Variants in PEBP4 observed in about 807,000 individuals in gnomAD.
PEBP4 encodes the protein phosphatidylethanolamine binding protein 4.
Under a neutral mutation model 23.9 loss-of-function variants are expected in PEBP4, and 22 were observed. That is an observed-to-expected ratio of 0.92 (90% CI 0.66 to 1.31). PEBP4 has a LOEUF of 1.31. Among genes scored for constraint, PEBP4 ranks in the 40% most tolerant of loss-of-function variants. The pLI, the probability that PEBP4 is intolerant of heterozygous loss-of-function variation, is 0.00. For missense variants in PEBP4, 324 were observed against 281.7 expected, an observed-to-expected ratio of 1.15 and a Z score of -1.07; for synonymous variants, 112 against 99.3, an observed-to-expected ratio of 1.13 and a Z score of -0.76.
intron 3 of PEBP4, among the ~76,000 whole-genome samples, chr8:22,918,949 A>ACACATGTGCC (rs1484978055): frequency 6.6e-6 from 1 of 151,862 alleles, no homozygotes; most frequent in Admixed American, 6.5e-5. Flanking sequence ...ACACATGTGC[A>ACACATGTGCC]CGTGTGCACT....
chr8:22,725,655 G>C (rs1804609430), intron 5 of PEBP4, among the ~76,000 whole-genome samples: 2 of 152,136 alleles, frequency 1.3e-5, no homozygotes, highest in Admixed American at 6.5e-5. Context: ...GGTCTTTCAA[G>C]GTGGGCCTCT....
chr8:22,939,048 T>C (rs1265427603), intron 1 of PEBP4, among the ~76,000 whole-genome samples: 1 of 152,238 alleles, frequency 6.6e-6, no homozygotes, highest in African/African-American at 2.4e-5. Context: ...ACCTTTCATT[T>C]CAGATGACCA....
intron 4 of PEBP4, among the ~76,000 whole-genome samples, chr8:22,789,908 T>C (rs1424930125): frequency 6.6e-6 from 1 of 152,248 alleles, no homozygotes; most frequent in African/African-American, 2.4e-5. Flanking sequence ...GTAGTCCATG[T>C]TGATTTGGTA....
upstream of PEBP4, among the ~76,000 whole-genome samples, chr8:22,930,118 C>A (rs561908178): frequency 1.3e-5 from 2 of 152,154 alleles, no homozygotes; most frequent in African/African-American, 4.8e-5. Context: ...GAGTCCTTCA[C>A]GTGGACCACA....
chr8:22,771,991 C>T (rs549158843), intron 4 of PEBP4, among the ~76,000 whole-genome samples: 10 of 152,312 alleles, frequency 6.6e-5, no homozygotes, highest in Admixed American at 2.6e-4. Flanking sequence ...TTAACACTGC[C>T]GCTTCAATAA....
At chr8:22,770,607 CTG>C (rs1041220074) in intron 4 of PEBP4, among the ~76,000 whole-genome samples, 1 of 152,184 alleles carries the variant, frequency 6.6e-6, no homozygotes. Context: ...TTCATTGTGA[CTG>C]TGTGATTTTT....
Position 22,856,054 on chromosome 8 carries a change from A to G in PEBP4, c.259-38319T>C, listed in dbSNP as rs1227582861. 4.6e-5 allele frequency among the ~76,000 whole-genome samples: 7 copies of G among 150,552 alleles called. No individual in the cohort carries two copies. In the East Asian group the frequency reaches 1.2e-3, roughly 25 times the overall value. ...GAGGGTGAGACCCTGTCTCAAAAAAAAAAAAAAAAAAAAGGAAACCTAATA... is the reference window on the plus strand; with the variant it reads ...GAGGGTGAGACCCTGTCTCAAAAAAGAAAAAAAAAAAAAGGAAACCTAATA... On this transcript the variant is annotated intron_variant, in intron 3 of 6. Transcript: ENST00000256404.
chr8:22,920,061 G>A (rs1809166460), intron 3 of PEBP4, 123 bp downstream of exon 3: 1 of 1,217,354 alleles, frequency 8.2e-7, no homozygotes, highest in Non-Finnish European at 1.1e-6. Context: ...ACAGCCATCT[G>A]CAGCCACCAG....
intron 3 of PEBP4, among the ~76,000 whole-genome samples, chr8:22,859,348 G>A (rs1406621624): frequency 1.3e-5 from 2 of 152,120 alleles, no homozygotes; most frequent in Non-Finnish European, 2.9e-5. Context: ...TATTCAATTG[G>A]AAAAAAGTCA....
chr8:22,887,953 C>T (rs1416322917), intron 3 of PEBP4: 3 of 152,118 alleles, frequency 2.0e-5, no homozygotes, highest in Non-Finnish European at 4.4e-5. Flanking sequence ...CTTATCTGTA[C>T]ACCTGCTAAC....
chr8:22,828,393 C>G (rs1265979293), intron 3 of PEBP4, among the ~76,000 whole-genome samples: 1 of 152,160 alleles, frequency 6.6e-6, no homozygotes, highest in Non-Finnish European at 1.5e-5. Context: ...GTCTCTGAGA[C>G]AGTCCTATTT....
At chr8:22,792,631 T>C (rs931687743) in intron 4 of PEBP4, among the ~76,000 whole-genome samples, 1 of 152,158 alleles carries the variant, frequency 6.6e-6, no homozygotes, top group Non-Finnish European at 1.5e-5. Flanking sequence ...CTTATTTTGA[T>C]AGGTAGCAAA....
At chr8:22,870,561 C>T (rs1008478600) in intron 3 of PEBP4, among the ~76,000 whole-genome samples, 5 of 152,068 alleles carry the variant, frequency 3.3e-5, no homozygotes, top group Non-Finnish European at 2.9e-5. Context: ...ACACCAAGAG[C>T]GTAACCTAAT....
chr8:22,864,465 G>C (rs575398976), intron 3 of PEBP4, among the ~76,000 whole-genome samples: 1 of 152,258 alleles, frequency 6.6e-6, no homozygotes, highest in South Asian at 2.1e-4. Flanking sequence ...AGGCTCTGGT[G>C]AAGATAGAAC....
chr8:22,806,547 G>A (rs1467612019), intron 4 of PEBP4, among the ~76,000 whole-genome samples: 5 of 151,536 alleles, frequency 3.3e-5, no homozygotes, highest in African/African-American at 4.9e-5. Context: ...GCCAGAAGGC[G>A]GAGGTTGCAA....
rs541182078 is a variant in PEBP4 at position 22,788,373 on chromosome 8, G to C, written c.357+29264C>G. Among the ~76,000 whole-genome samples the C allele has an allele frequency of 1.2e-3, 180 of 152,334 alleles. 1 individual carries two copies. The highest frequency in any genetic ancestry group is 3.4e-3 in the Middle Eastern group (1 of 294). The stretch of plus-strand genomic sequence containing the variant: ...GAGGGAGAAATGGCAAGTGCAGCCT[G>C]CTCTTAGGCGGAAGCCGTGTGGCTA... On this transcript the variant is annotated intron_variant, in intron 4 of 6. Coordinates refer to ENST00000256404, the MANE Select transcript of PEBP4 (RefSeq NM_144962.3).
At chr8:22,777,920 G>GC (rs1291143638) in intron 4 of PEBP4, among the ~76,000 whole-genome samples, 1 of 152,072 alleles carries the variant, frequency 6.6e-6, no homozygotes, top group Non-Finnish European at 1.5e-5. Flanking sequence ...CTTCGTTACA[G>GC]CCCCCCTCCG....
intron 4 of PEBP4, among the ~76,000 whole-genome samples, chr8:22,814,541 C>G (rs1345355918): frequency 6.6e-6 from 1 of 152,150 alleles, no homozygotes; most frequent in African/African-American, 2.4e-5. Flanking sequence ...ACCCAGATAG[C>G]CTGTCAAAAA....
chr8:22,933,358 G>A lies in PEBP4; in HGVS notation c.145-5638C>T, dbSNP rs767589107. The stretch of plus-strand genomic sequence containing the variant: ...GTAAAATAAACTCAAAGAGACCTAC[G>A]CTGAGACATATTAGAATCAAACTGT... On this transcript the variant is annotated intron_variant, in intron 1 of 1. Coordinates refer to the PEBP4 transcript ENST00000522278. 1.4e-4 allele frequency among the ~76,000 whole-genome samples: 21 copies of A among 152,140 alleles called. 1 individual carries two copies. The highest frequency in any genetic ancestry group is 1.3e-4 in the Non-Finnish European group (9 of 68,022).
Sources: gnomAD v4.1 joint callset for allele counts (sites outside exome capture counted in the v4.1 genomes callset) on GRCh38, gnomAD v4.1.1 for gene constraint, MANE v1.5 for transcripts, NCBI Gene and HGNC (gene_info 2026-07-23, HGNC 2026-07-21) for gene names.